The following SYTL3 variants were observed in gnomAD, a reference collection of about 807,000 sequenced individuals.
SYTL3 encodes synaptotagmin like 3, also known as synaptotagmin-like protein 3.
In SYTL3, 88 loss-of-function variants were observed where a neutral mutation model predicts 82.1. The observed-to-expected ratio is 1.07, with a 90% CI of 0.90 to 1.28. SYTL3 has a LOEUF of 1.28. Ranked by LOEUF, SYTL3 falls within the 50% of genes most tolerant of loss-of-function variation. The probability of loss-of-function intolerance (pLI) is 0.00; values close to 1 mark genes in which losing one functional copy is unlikely to be tolerated. For synonymous variants in SYTL3, 311 were observed against 289.4 expected (o/e 1.07, Z -0.76); for missense variants, 831 against 757.6 (o/e 1.10, Z -1.14).
chr6:158,663,741 G>A (rs1256700062), intron 4 of SYTL3: 1 of 376,324 alleles, frequency 2.7e-6, no homozygotes, highest in East Asian at 1.7e-4. Flanking sequence ...CCAGTTAAGG[G>A]TTTTCCTACC....
chr6:158,730,866 C>T (rs1430095392), intron 11 of SYTL3, among the ~76,000 whole-genome samples: 2 of 152,068 alleles, frequency 1.3e-5, no homozygotes, highest in East Asian at 1.9e-4. Flanking sequence ...AAAGAAAAGC[C>T]GCCAGGGGGC....
At position 158,751,932 on chromosome 6, in the gene SYTL3, G is replaced by A. The variant is rs759729461; in HGVS notation, c.1039G>A (p.Val347Met). 1 of 1,596,968 alleles carries A rather than the reference G, an allele frequency of 6.3e-7. No homozygotes were observed. The highest frequency in any genetic ancestry group is 8.5e-7 in the Non-Finnish European group (1 of 1,172,218). Reference sequence around the variant, plus strand: ...CCCGCTGTGTTTGGCCCCTAGGTATGTGAAGACCTACCTGTTGCCCGACAG... The same window carrying A: ...CCCGCTGTGTTTGGCCCCTAGGTATATGAAGACCTACCTGTTGCCCGACAG... ...EEKKKKCNPY[V>M]KTYLLPDRSS... The change falls in exon 13 of 18, where the codon GTG (valine) becomes ATG (methionine). Residue 347 changes from valine (V) to methionine (M), a missense_variant. Physicochemically the swap from Val to Met is conservative, Grantham distance 21 (BLOSUM62 1). Coordinates refer to ENST00000611299, the MANE Select transcript of SYTL3 (RefSeq NM_001242394.2).
intron 5 of SYTL3, among the ~76,000 whole-genome samples, chr6:158,678,983 C>T (rs1778359124): frequency 1.3e-5 from 2 of 152,186 alleles, no homozygotes; most frequent in Admixed American, 1.3e-4. Context: ...TAATGAATCA[C>T]ACTACCCTGT....
chr6:158,660,083 G>A (rs1317707816), intron 2 of SYTL3, among the ~76,000 whole-genome samples: 1 of 152,050 alleles, frequency 6.6e-6, no homozygotes, highest in African/African-American at 2.4e-5. Flanking sequence ...TGACCAACAT[G>A]GTGAAACCCC....
At chr6:158,648,602 A>AT (rs1180361574), upstream of SYTL3, among the ~76,000 whole-genome samples, 27 of 137,138 alleles carry the variant, frequency 2.0e-4, no homozygotes, top group South Asian at 7.0e-4. Context: ...AAAAAAAAAA[A>AT]AAAAAAATAA....
At chr6:158,676,303 G>A (rs1429274348) in intron 5 of SYTL3, among the ~76,000 whole-genome samples, 13 of 152,236 alleles carry the variant, frequency 8.5e-5, no homozygotes, top group African/African-American at 3.1e-4. Context: ...AAGCAATGGG[G>A]AAAGGATTCC....
chr6:158,656,105 C>T lies in SYTL3; in HGVS notation c.-637+4263C>T, dbSNP rs532464856. 3.9e-5 allele frequency among the ~76,000 whole-genome samples: 6 copies of T among 152,266 alleles called. No individual in the cohort carries two copies. The East Asian group carries it at 1.2e-3, about 29-fold the overall frequency. On this transcript the variant is annotated intron_variant, in intron 2 of 17. Coordinates refer to ENST00000611299, the MANE Select transcript of SYTL3 (RefSeq NM_001242394.2). ...TGTGTTTACGGGAAGGGAAAACCAG[C>T]GTGACTTCACTGGAGAGTGGAAGAG... is the stretch of plus-strand genomic sequence containing the variant.
chr6:158,730,404 T>C (rs931402517), intron 11 of SYTL3, among the ~76,000 whole-genome samples: 1 of 152,266 alleles, frequency 6.6e-6, no homozygotes, highest in Non-Finnish European at 1.5e-5. Flanking sequence ...ACTTTTTGTC[T>C]AAATGCTAAT....
At position 158,764,605 on chromosome 6, in the gene SYTL3, C is replaced by T; in HGVS notation, c.*1C>T. ...AGACATGACTCTTGTCCTGCACTGA[C>T]ATGAAGGCCTCAAGGTTCCAGGTTG... On this transcript the variant is annotated 3_prime_UTR_variant, in exon 18 of 18. Coordinates refer to ENST00000611299, the MANE Select transcript of SYTL3 (RefSeq NM_001242394.2). The T allele has an allele frequency of 6.2e-7, 1 of 1,608,822 alleles. No homozygotes were observed. The highest frequency in any genetic ancestry group is 8.5e-7 in the Non-Finnish European group (1 of 1,175,168).
intron 4 of SYTL3, among the ~76,000 whole-genome samples, chr6:158,664,905 T>TA (rs11442844): frequency 0.32 from 48,151 of 150,300 alleles, 8,141 homozygotes; most frequent in East Asian, 0.65. Flanking sequence ...GACCACTTAT[T>TA]AAAAAAAAAA....
rs544408670 is a variant in SYTL3, at chr6:158,759,332, C to T, written c.1309-1308C>T. On this transcript the variant is annotated intron_variant, in intron 14 of 17. Coordinates refer to ENST00000611299, the MANE Select transcript of SYTL3 (RefSeq NM_001242394.2). ...GCTCTGTTCCGCCTCGGTTTCTGGC[C>T]GCTGAGGCTGGAGGCAGCCATACCT... is the stretch of plus-strand genomic sequence containing the variant. Among the ~76,000 whole-genome samples the T allele has an allele frequency of 4.6e-5, 7 of 152,320 alleles. No homozygotes were observed. In the East Asian group the frequency reaches 5.8e-4, roughly 13 times the overall value.
intron 10 of SYTL3, among the ~76,000 whole-genome samples, chr6:158,724,021 A>G (rs912440300): frequency 2.0e-5 from 3 of 152,158 alleles, no homozygotes; most frequent in South Asian, 2.1e-4. Flanking sequence ...CAGCCTCAGC[A>G]TCCTCTCGGG....
At chr6:158,652,415 A>AT (rs1346487839) in intron 2 of SYTL3, among the ~76,000 whole-genome samples, 15 of 151,906 alleles carry the variant, frequency 9.9e-5, no homozygotes, top group Non-Finnish European at 2.2e-4. Context: ...CACCTGGCTA[A>AT]TTTTTTTGTA....
chr6:158,707,701 A>G (rs1271878307), intron 7 of SYTL3, among the ~76,000 whole-genome samples: 1 of 152,246 alleles, frequency 6.6e-6, no homozygotes, highest in African/African-American at 2.4e-5. Context: ...TAATGGCCTG[A>G]GAGATGTGAA....
At chr6:158,673,817 C>T (rs1183796341) in intron 5 of SYTL3, among the ~76,000 whole-genome samples, 1 of 150,844 alleles carries the variant, frequency 6.6e-6, no homozygotes, top group African/African-American at 2.4e-5. Context: ...GGCGTGGTGG[C>T]TCACACCTGT....
At chr6:158,677,529 A>G (rs1778187763) in intron 5 of SYTL3, among the ~76,000 whole-genome samples, 1 of 151,564 alleles carries the variant, frequency 6.6e-6, no homozygotes, top group Non-Finnish European at 1.5e-5. Flanking sequence ...GTGCACATGT[A>G]CCCTAAAACT....
intron 6 of SYTL3, among the ~76,000 whole-genome samples, chr6:158,698,040 G>A (rs1780751714): frequency 6.6e-6 from 1 of 152,126 alleles, no homozygotes; most frequent in South Asian, 2.1e-4. Flanking sequence ...CTTTCATCCT[G>A]GGACAGTGGC....
chr6:158,759,852 C>T (rs1391969181), intron 14 of SYTL3, among the ~76,000 whole-genome samples: 1 of 152,070 alleles, frequency 6.6e-6, no homozygotes, highest in Non-Finnish European at 1.5e-5. Context: ...TTGAATGCAA[C>T]CCAACACAAA....
intron 14 of SYTL3, 61 bp from the exon 15 acceptor site, chr6:158,760,578 GA>G: frequency 3.5e-6 from 5 of 1,433,320 alleles, no homozygotes; most frequent in Non-Finnish European, 4.9e-6. Flanking sequence ...ACAACCAGAG[GA>G]ACCCAGAAGG....
Sources: allele counts gnomAD v4.1 joint callset (sites outside exome capture counted in the v4.1 genomes callset), GRCh38; gene constraint gnomAD v4.1.1; transcripts MANE v1.5; gene names NCBI Gene and HGNC (gene_info 2026-07-23, HGNC 2026-07-21).